The following CPEB3 variants were observed in gnomAD, a reference collection of about 807,000 sequenced individuals.
CPEB3 encodes the protein cytoplasmic polyadenylation element binding protein 3.
CPEB3 carries 20 observed loss-of-function variants against 67.2 expected under a neutral mutation model. The ratio of observed to expected loss-of-function variants is 0.30; its 90% confidence interval spans 0.21 to 0.43. The LOEUF (loss-of-function observed/expected upper bound fraction) is 0.43, where lower values mean the gene tolerates loss of function less well. Ranked by LOEUF, CPEB3 falls within the 20% of genes least tolerant of loss-of-function variation. CPEB3 has a pLI of 1.00. For synonymous variants in CPEB3, 376 were observed against 393.1 expected (o/e 0.96, Z 0.51); for missense variants, 746 against 968.6 (o/e 0.77, Z 3.05).
chr10:92,157,259 C>T (rs1847251269), intron 4 of CPEB3, among the ~76,000 whole-genome samples: 1 of 152,074 alleles, frequency 6.6e-6, no homozygotes, highest in African/African-American at 2.4e-5. Flanking sequence ...GTTTTATTAC[C>T]TCATAATTTA....
At chr10:92,277,205 AAC>A (rs1015338716) in intron 1 of CPEB3, among the ~76,000 whole-genome samples, 3 of 152,176 alleles carry the variant, frequency 2.0e-5, no homozygotes, top group African/African-American at 7.2e-5. Flanking sequence ...AATCTAAGAA[AAC>A]ACAGTCTAAT....
At chr10:92,235,368 C>A (rs1171507863) in intron 2 of CPEB3, among the ~76,000 whole-genome samples, 1 of 152,054 alleles carries the variant, frequency 6.6e-6, no homozygotes, top group Admixed American at 6.6e-5. Context: ...ATCACTTGAA[C>A]CCGGGAGGTG....
chr10:92,167,246 G>A (rs1847788089), intron 4 of CPEB3, among the ~76,000 whole-genome samples: 1 of 152,138 alleles, frequency 6.6e-6, no homozygotes, highest in Non-Finnish European at 1.5e-5. Context: ...GTGTTCATTG[G>A]AATAACACTT....
Position 92,239,991 on chromosome 10 carries a change from C to T in CPEB3, c.360G>A (p.Glu120=), listed in dbSNP as rs1174119774. ...TWSTGTTNAV[E]DSFFQGITPV... The stretch of plus-strand genomic sequence containing the variant: ...GGGTGATCCCCTGGAAGAAGCTGTC[C>T]TCTACCGCGTTGGTGGTGCCCGTGG... Residue 120 remains glutamate, a synonymous_variant, in exon 2 of 10, where the codon GAG becomes GAA. Coordinates refer to ENST00000265997, the MANE Select transcript of CPEB3 (RefSeq NM_014912.5). The surrounding 1 kb of genome is among the most constrained non-coding windows in gnomAD (Gnocchi z 6.0). The T allele has an allele frequency of 4.3e-6, 7 of 1,611,970 alleles. No individual in the cohort carries two copies. The South Asian group carries it at 7.7e-5, about 18-fold the overall frequency.
chr10:92,222,967 C>T (rs1354033801), intron 2 of CPEB3, among the ~76,000 whole-genome samples: 1 of 152,150 alleles, frequency 6.6e-6, no homozygotes, highest in Admixed American at 6.6e-5. Flanking sequence ...TAATAACATG[C>T]ACTGATTTAT....
At chr10:92,185,921 G>T (rs1386396178) in intron 3 of CPEB3, among the ~76,000 whole-genome samples, 1 of 152,096 alleles carries the variant, frequency 6.6e-6, no homozygotes, top group Non-Finnish European at 1.5e-5. Flanking sequence ...TTCTAAATAT[G>T]TTCCAAATAA....
chr10:92,217,661 C>A (rs1474028162), intron 2 of CPEB3, among the ~76,000 whole-genome samples: 2 of 152,170 alleles, frequency 1.3e-5, no homozygotes, highest in East Asian at 3.9e-4. Context: ...ACTCAGGAGG[C>A]TGAGGCAGGA....
chr10:92,131,342 A>G (rs191597300), intron 6 of CPEB3, among the ~76,000 whole-genome samples: 1 of 152,312 alleles, frequency 6.6e-6, no homozygotes, highest in African/African-American at 2.4e-5. Context: ...TGGAGGCTGT[A>G]GAGGTGCTAA....
intron 2 of CPEB3, among the ~76,000 whole-genome samples, chr10:92,235,944 T>C (rs1851508818): frequency 6.6e-6 from 1 of 152,244 alleles, no homozygotes; most frequent in Non-Finnish European, 1.5e-5. Flanking sequence ...TTTATTAAAT[T>C]GATGCATAAG....
intron 1 of CPEB3, among the ~76,000 whole-genome samples, chr10:92,242,371 C>T (rs1453484493): frequency 6.6e-6 from 1 of 152,162 alleles, no homozygotes; most frequent in Non-Finnish European, 1.5e-5. Flanking sequence ...AAAACAATGG[C>T]TTTGATCAGT....
chr10:92,195,709 A>G (rs184427098), intron 2 of CPEB3, among the ~76,000 whole-genome samples: 3 of 152,358 alleles, frequency 2.0e-5, no homozygotes, highest in Non-Finnish European at 4.4e-5. Flanking sequence ...AAGGCATTCA[A>G]GAATCTTTCC....
intron 4 of CPEB3, among the ~76,000 whole-genome samples, chr10:92,168,677 T>G (rs1052505514): frequency 3.3e-5 from 5 of 152,088 alleles, no homozygotes; most frequent in Non-Finnish European, 5.9e-5. Context: ...TTGGCACTTC[T>G]CTCTCCTGCT....
intron 1 of CPEB3, among the ~76,000 whole-genome samples, chr10:92,278,201 T>A (rs1320740763): frequency 2.0e-5 from 3 of 151,184 alleles, no homozygotes; most frequent in Non-Finnish European, 4.4e-5. Context: ...AAAAAAAAAA[T>A]TATTTTGGCT....
chr10:92,175,750 G>A (rs1848195814), intron 4 of CPEB3, among the ~76,000 whole-genome samples: 1 of 152,186 alleles, frequency 6.6e-6, no homozygotes, highest in South Asian at 2.1e-4. Context: ...GCTAGCTTAT[G>A]TGATGACTTA....
chr10:92,255,070 T>C (rs1194941451), intron 1 of CPEB3, among the ~76,000 whole-genome samples: 1 of 152,066 alleles, frequency 6.6e-6, no homozygotes, highest in Non-Finnish European at 1.5e-5. Context: ...CCAATTTCCC[T>C]ACTGCCCACC....
At chr10:92,110,985 T>A in intron 7 of CPEB3, 91 bp downstream of exon 7, 1 of 951,334 alleles carries the variant, frequency 1.1e-6, no homozygotes, top group South Asian at 1.3e-5. Flanking sequence ...GGATCCTAGT[T>A]ACCAGCATTT....
chr10:92,113,581 A>G (rs1019584318), intron 6 of CPEB3, among the ~76,000 whole-genome samples: 2 of 152,186 alleles, frequency 1.3e-5, no homozygotes, highest in African/African-American at 4.8e-5. Flanking sequence ...GTACACATCA[A>G]AAAGGCCTGG....
intron 6 of CPEB3, chr10:92,118,772 C>A (rs181578853): frequency 6.6e-6 from 5 of 754,996 alleles, no homozygotes; most frequent in Non-Finnish European, 9.8e-6. Context: ...AGAGATGGAG[C>A]GGTTCTGGAA....
At chr10:92,202,370 C>T (rs1849561851) in intron 2 of CPEB3, among the ~76,000 whole-genome samples, 2 of 151,398 alleles carry the variant, frequency 1.3e-5, no homozygotes, top group African/African-American at 4.9e-5. Context: ...TATAATTTCC[C>T]CAAACTGGAA....
Sources: allele counts gnomAD v4.1 joint callset (sites outside exome capture counted in the v4.1 genomes callset), GRCh38; gene constraint gnomAD v4.1.1; non-coding constraint Gnocchi (gnomAD v3.1); transcripts MANE v1.5; gene names NCBI Gene and HGNC (gene_info 2026-07-23, HGNC 2026-07-21).